Variants in SPOCK3 observed in about 807,000 individuals in gnomAD.
SPOCK3 encodes testican-3.
Under a neutral mutation model 56.6 loss-of-function variants are expected in SPOCK3, and 30 were observed. The ratio of observed to expected loss-of-function variants is 0.53; its 90% CI spans 0.40 to 0.72. SPOCK3 has a LOEUF of 0.72. Among genes scored for constraint, SPOCK3 ranks in the 30% least tolerant of loss-of-function variants. The probability of loss-of-function intolerance (pLI) is 0.00; values close to 1 mark genes in which losing one functional copy is unlikely to be tolerated. For synonymous variants in SPOCK3, 196 were observed against 183.3 expected (o/e 1.07, Z -0.56); for missense variants, 527 against 530.0 (o/e 0.99, Z 0.06).
intron 2 of SPOCK3, among the ~76,000 whole-genome samples, chr4:167,192,112 G>T (rs1216563005): frequency 6.9e-6 from 1 of 145,636 alleles, no homozygotes; most frequent in Non-Finnish European, 1.5e-5. Context: ...AACAATTTTT[G>T]CATTCCAAAG....
At chr4:167,119,393 G>A (rs903476245) in intron 2 of SPOCK3, among the ~76,000 whole-genome samples, 1 of 152,052 alleles carries the variant, frequency 6.6e-6, no homozygotes, top group Non-Finnish European at 1.5e-5. Flanking sequence ...GAGAGCAGAT[G>A]TTTTAGGATT....
At chr4:167,025,506 G>A (rs1168437822) in intron 3 of SPOCK3, among the ~76,000 whole-genome samples, 13 of 151,856 alleles carry the variant, frequency 8.6e-5, no homozygotes, top group Admixed American at 3.3e-4. Flanking sequence ...TATGTATAAC[G>A]ATATTAACCC....
At chr4:166,871,032 G>A (rs1438514052) in intron 6 of SPOCK3, among the ~76,000 whole-genome samples, 5 of 151,984 alleles carry the variant, frequency 3.3e-5, no homozygotes, top group Non-Finnish European at 5.9e-5. Flanking sequence ...GTTTCCTGAG[G>A]CCTCCCCAGC....
intron 6 of SPOCK3, among the ~76,000 whole-genome samples, chr4:166,876,526 G>T (rs932507233): frequency 8.5e-5 from 13 of 152,102 alleles, no homozygotes; most frequent in African/African-American, 3.1e-4. Context: ...AATTTGGCAT[G>T]ATTTTAAGCA....
intron 2 of SPOCK3, among the ~76,000 whole-genome samples, chr4:167,093,768 C>A (rs1002974339): frequency 3.3e-5 from 5 of 152,222 alleles, no homozygotes; most frequent in African/African-American, 1.2e-4. Flanking sequence ...GTGTGTGTGT[C>A]TTTATAGTAG....
intron 6 of SPOCK3, among the ~76,000 whole-genome samples, chr4:166,888,411 C>T (rs1434702327): frequency 6.6e-6 from 1 of 152,034 alleles, no homozygotes; most frequent in South Asian, 2.1e-4. Context: ...AGCATCTATT[C>T]TCCACACTTC....
chr4:166,903,097 A>G (rs1736231604), intron 5 of SPOCK3, among the ~76,000 whole-genome samples: 1 of 147,340 alleles, frequency 6.8e-6, no homozygotes, highest in Non-Finnish European at 1.5e-5. Context: ...ATATTTATTT[A>G]ATTTATATTT....
chr4:166,769,866 C>T (rs955443266), intron 7 of SPOCK3, among the ~76,000 whole-genome samples: 2 of 152,164 alleles, frequency 1.3e-5, no homozygotes, highest in Non-Finnish European at 2.9e-5. Flanking sequence ...GCTTTGTTTA[C>T]CTACTCAAGC....
At chr4:166,799,997 C>T (rs1418906543) in intron 6 of SPOCK3, among the ~76,000 whole-genome samples, 2 of 151,508 alleles carry the variant, frequency 1.3e-5, no homozygotes, top group African/African-American at 2.4e-5. Flanking sequence ...CTGGCTAACA[C>T]GGTGAAACCC....
intron 2 of SPOCK3, among the ~76,000 whole-genome samples, chr4:167,164,890 C>T (rs752349468): frequency 2.6e-5 from 4 of 152,118 alleles, no homozygotes; most frequent in East Asian, 3.9e-4. Context: ...AATAATGCTG[C>T]AATAAACATA....
intron 4 of SPOCK3, among the ~76,000 whole-genome samples, chr4:166,952,074 T>C (rs1292415043): frequency 6.6e-6 from 1 of 152,180 alleles, no homozygotes; most frequent in Non-Finnish European, 1.5e-5. Flanking sequence ...TGTTGGAGAT[T>C]CTGGCCAGGG....
rs183856972 is a variant in SPOCK3 at position 166,795,465 on chromosome 4, C to T, written c.590-3176G>A. Among the ~76,000 whole-genome samples, 95 of 152,060 alleles carry T rather than the reference C, an allele frequency of 6.2e-4. 1 individual carries two copies. Among genetic ancestry groups the T allele is most frequent in the East Asian group, 5.2e-3 (27 of 5,174 alleles). On this transcript the variant is annotated intron_variant, in intron 6 of 10. Coordinates refer to ENST00000357545, the MANE Select transcript of SPOCK3 (RefSeq NM_001040159.2). ...GAGTATTATTAAAAATAATACTTTA[C>T]GTATAAAACTTTTGAAAACATTTTA... is the stretch of plus-strand genomic sequence containing the variant.
intron 4 of SPOCK3, among the ~76,000 whole-genome samples, chr4:166,994,455 C>T (rs1048034167): frequency 6.6e-6 from 1 of 152,058 alleles, no homozygotes; most frequent in Admixed American, 6.6e-5. Context: ...GACATACATT[C>T]TGGGCTCTCT....
At chr4:166,740,492 ACTT>A (rs1734713659) in intron 9 of SPOCK3, among the ~76,000 whole-genome samples, 4 of 134,526 alleles carry the variant, frequency 3.0e-5, no homozygotes, top group Non-Finnish European at 4.7e-5. Flanking sequence ...CTATATAAGA[ACTT>A]ATTATTATTA....
At chr4:166,900,130 G>A (rs1178480859) in intron 5 of SPOCK3, among the ~76,000 whole-genome samples, 2 of 152,146 alleles carry the variant, frequency 1.3e-5, no homozygotes, top group African/African-American at 2.4e-5. Flanking sequence ...TGGTAATGCT[G>A]CCACTGTTCC....
chr4:166,958,138 G>A (rs1296244146), intron 4 of SPOCK3, among the ~76,000 whole-genome samples: 2 of 152,130 alleles, frequency 1.3e-5, no homozygotes, highest in African/African-American at 4.8e-5. Context: ...TCTCATGAAT[G>A]GTTTAACACC....
rs1733996873 is a variant in SPOCK3, at chr4:166,734,176, A to G, written c.*745T>C. On this transcript the variant is annotated 3_prime_UTR_variant, in exon 11 of 11. Coordinates refer to ENST00000357545, the MANE Select transcript of SPOCK3 (RefSeq NM_001040159.2). ...AGTTGCTGGTCAGAAAGATAAAGAA[A>G]TCTAGAAAGGCAAACAAATCATGTT... The G allele has an allele frequency of 6.6e-6, 1 of 151,928 alleles. No individual in the cohort carries two copies. The allele number at this position is 151,928 out of a possible 1,614,324, so 9.4% of individuals were successfully genotyped here. A position where few individuals can be genotyped will look rare whatever the true frequency, so the allele number is the denominator to read the frequency against.
intron 2 of SPOCK3, among the ~76,000 whole-genome samples, chr4:167,198,530 C>T (rs191595329): frequency 6.6e-5 from 10 of 152,272 alleles, no homozygotes; most frequent in Non-Finnish European, 1.5e-4. Flanking sequence ...CCAAAATCTG[C>T]ATTTGGTTGA....
chr4:167,132,223 T>C (rs1313590987), intron 2 of SPOCK3, among the ~76,000 whole-genome samples: 1 of 152,242 alleles, frequency 6.6e-6, no homozygotes, highest in Non-Finnish European at 1.5e-5. Context: ...AAGATATTTA[T>C]AAATTTACTT....
Sources: gnomAD v4.1 joint callset for allele counts (sites outside exome capture counted in the v4.1 genomes callset) on GRCh38, gnomAD v4.1.1 for gene constraint, MANE v1.5 for transcripts, NCBI Gene and HGNC (gene_info 2026-07-23, HGNC 2026-07-21) for gene names.